The following RYR1 variants were observed in gnomAD, a reference collection of about 807,000 sequenced individuals.
RYR1 encodes the protein ryanodine receptor 1.
A neutral mutation model predicts 583.5 loss-of-function variants in RYR1; 342 were observed. That is an observed-to-expected ratio of 0.59 (90% CI 0.54 to 0.64). The LOEUF (loss-of-function observed/expected upper bound fraction) is 0.64, where lower values mean the gene tolerates loss of function less well. RYR1 is among the 30% of genes least tolerant of loss of function. The probability of loss-of-function intolerance (pLI) is 0.00; values close to 1 mark genes in which losing one functional copy is unlikely to be tolerated. For synonymous variants in RYR1, 2,791 were observed against 2,822.5 expected (o/e 0.99, Z 0.35); for missense variants, 6,032 against 6,917.2 (o/e 0.87, Z 4.54).
rs751961447 is a variant in RYR1, at chr19:38,492,612, C to T, written c.6250C>T (p.Arg2084Trp). ...KKKEEKPEEE[R>W]SAEESKPRSL... Reference sequence around the variant, plus strand: ...GAAGGAAGAGAAACCTGAGGAGGAGCGGTCAGCAGAGGAGAGCAAACCCCG... The same window carrying T: ...GAAGGAAGAGAAACCTGAGGAGGAGTGGTCAGCAGAGGAGAGCAAACCCCG... The change falls in exon 38 of 106, where the codon CGG becomes TGG. Residue 2084 changes from arginine (R) to tryptophan (W), a missense_variant. Arg to Trp is a moderately radical substitution (Grantham distance 101, BLOSUM62 -3). Transcript: ENST00000359596. 9.4e-6 allele frequency: 14 copies of T among 1,488,344 alleles called. No homozygotes were observed. The highest frequency in any genetic ancestry group is 3.4e-5 in the South Asian group (3 of 89,540). 92.2% of individuals were successfully genotyped at this position (1,488,344 alleles called of 1,614,324 possible).
Position 38,512,027 on chromosome 19 carries a change from G to C in RYR1, c.9173-45G>C. On this transcript the variant is annotated intron_variant, in intron 61 of 105. Coordinates refer to ENST00000359596, the MANE Select transcript of RYR1 (RefSeq NM_000540.3). This position sits in a 1 kb window ranked among gnomAD's most constrained non-coding sequence, Gnocchi z 5.1. ...GATGTAGAGGGAGGCACTGTCCTCT[G>C]TCCTCTTAGCCATGGCATCCCCCCG... is the stretch of plus-strand genomic sequence containing the variant. 5 of 1,599,326 alleles carry C rather than the reference G, an allele frequency of 3.1e-6. No individual in the cohort carries two copies. Among genetic ancestry groups the C allele is most frequent in the Non-Finnish European group, 4.3e-6 (5 of 1,170,778 alleles).
At chr19:38,535,582 C>G (rs542156777) in intron 81 of RYR1, 190 bp downstream of exon 81, 1 of 654,450 alleles carries the variant, frequency 1.5e-6, no homozygotes, top group African/African-American at 1.8e-5. Flanking sequence ...ATGTCATAGA[C>G]TTGAAGAATG....
At chr19:38,545,545 G>T (rs538606405) in intron 87 of RYR1, among the ~76,000 whole-genome samples, 17 of 152,254 alleles carry the variant, frequency 1.1e-4, no homozygotes, top group African/African-American at 4.1e-4. Flanking sequence ...TGGCACGGTG[G>T]CTCATACCTG....
chr19:38,456,857 T>C (rs1258190856), intron 16 of RYR1, among the ~76,000 whole-genome samples: 1 of 150,848 alleles, frequency 6.6e-6, no homozygotes, highest in Non-Finnish European at 1.5e-5. Flanking sequence ...CCATCCTGGC[T>C]AATGCGGTGA....
chr19:38,473,860 T>A, intron 28 of RYR1, 89 bp downstream of exon 28: 1 of 944,354 alleles, frequency 1.1e-6, no homozygotes, highest in Non-Finnish European at 1.5e-6. Flanking sequence ...ACCCCCATTG[T>A]ACCCCAAAGT....
chr19:38,529,004 C>A lies in RYR1; in HGVS notation c.11088C>A (p.Asp3696Glu), dbSNP rs909001720. 1 of 1,613,706 alleles carries A rather than the reference C, an allele frequency of 6.2e-7. No individual in the cohort carries two copies. The highest frequency in any genetic ancestry group is 1.3e-5 in the African/African-American group (1 of 74,912). Residue 3696 changes from aspartate to glutamate, a missense_variant, in exon 76 of 106, where the codon GAC (aspartate) becomes GAA (glutamate). Transcript: ENST00000359596. The stretch of plus-strand genomic sequence containing the variant: ...AAGAGGTGGAAGAGAAGAAGCCAGA[C>A]CCCCTGCACCAGTTGGTCCTGCACT... ...EEEEVEEKKP[D>E]PLHQLVLHFS...
Position 38,443,699 on chromosome 19 carries a change from C to G in RYR1, c.346-19C>G. ...GTGGGGCCTGCTAGAAGGAGGCTGACCTCCCTCTACAACCCTAGTATCTGA... is the reference window on the plus strand; with the variant it reads ...GTGGGGCCTGCTAGAAGGAGGCTGAGCTCCCTCTACAACCCTAGTATCTGA... On this transcript the variant is annotated intron_variant, in intron 4 of 105. Transcript: ENST00000359596. 2 of 1,614,044 alleles carry G rather than the reference C, an allele frequency of 1.2e-6. No homozygotes were observed. The highest frequency in any genetic ancestry group is 1.7e-6 in the Non-Finnish European group (2 of 1,179,928).
chr19:38,565,448 A>C lies in RYR1; in HGVS notation c.13114A>C (p.Lys4372Gln). The C allele has an allele frequency of 6.7e-7, 1 of 1,498,020 alleles. No homozygotes were observed. Among genetic ancestry groups the C allele is most frequent in the Non-Finnish European group, 8.8e-7 (1 of 1,130,982 alleles). 92.8% of individuals were successfully genotyped at this position (1,498,020 alleles called of 1,614,324 possible). A position where few individuals can be genotyped will look rare whatever the true frequency, so the allele number is the denominator to read the frequency against. The change falls in exon 91 of 106, where the codon AAG becomes CAG. Residue 4372 changes from lysine (K) to glutamine (Q), a missense_variant. By Grantham distance (53) the Lys-to-Gln change is moderately conservative. Coordinates refer to ENST00000359596, the MANE Select transcript of RYR1 (RefSeq NM_000540.3). This position sits in a 1 kb window ranked among gnomAD's most constrained non-coding sequence, Gnocchi z 4.7. ...CGGCGGCGGCCTGGTGGAGGGCGCC[A>C]AGAAGGTGACGGTGACCGAGCTCCT... ...LFGGGLVEGA[K>Q]KVTVTELLAG...
intron 101 of RYR1, among the ~76,000 whole-genome samples, chr19:38,582,199 A>T (rs1339205914): frequency 6.6e-6 from 1 of 151,654 alleles, no homozygotes; most frequent in African/African-American, 2.4e-5. Flanking sequence ...GGAGTTTGAG[A>T]CCGGCCTGAC....
Position 38,446,578 on chromosome 19 carries a change from G to T in RYR1, c.725+13G>T. On this transcript the variant is annotated intron_variant, in intron 8 of 105. Transcript: ENST00000359596. ...ATGACCAGCGCAGGTCTGGGCTGTG[G>T]ACGAGAGGGCCTGGGGTCTAGGGGT... The T allele has an allele frequency of 6.2e-7, 1 of 1,612,548 alleles. No homozygotes were observed. The highest frequency in any genetic ancestry group is 1.1e-5 in the South Asian group (1 of 91,060).
rs751308944 is a variant in RYR1, at chr19:38,496,975, C to G, written c.6891+21C>G. The stretch of plus-strand genomic sequence containing the variant: ...AAAAGGTGTGGAGGGCAGGGCTGGG[C>G]CCCAGGCCTAAGGGAGGAAATCGGG... On this transcript the variant is annotated intron_variant, in intron 42 of 105. Coordinates refer to ENST00000359596, the MANE Select transcript of RYR1 (RefSeq NM_000540.3). This position sits in a 1 kb window ranked among gnomAD's most constrained non-coding sequence, Gnocchi z 4.8. 4.8e-5 allele frequency: 76 copies of G among 1,598,500 alleles called. No homozygotes were observed. Among genetic ancestry groups the G allele is most frequent in the Non-Finnish European group, 6.5e-5 (76 of 1,166,640 alleles).
intron 89 of RYR1, among the ~76,000 whole-genome samples, chr19:38,556,970 T>A (rs948214514): frequency 6.6e-6 from 1 of 151,782 alleles, no homozygotes; most frequent in African/African-American, 2.4e-5. Flanking sequence ...GCACCTCCTT[T>A]CCAGATGCCA....
intron 89 of RYR1, among the ~76,000 whole-genome samples, chr19:38,551,741 GGC>G (rs1216419795): frequency 5.9e-5 from 9 of 151,974 alleles, no homozygotes; most frequent in African/African-American, 2.2e-4. Context: ...AACCCTGAGG[GGC>G]AATGCCTGCT....
chr19:38,445,711 A>C (rs11083457), intron 7 of RYR1, among the ~76,000 whole-genome samples: 2 of 152,090 alleles, frequency 1.3e-5, no homozygotes, highest in South Asian at 4.1e-4. Context: ...ACTCAAGGCC[A>C]AGCGCGGTGG....
At chr19:38,434,984 C>A (rs577306769) in intron 1 of RYR1, among the ~76,000 whole-genome samples, 2 of 152,294 alleles carry the variant, frequency 1.3e-5, no homozygotes, top group East Asian at 3.9e-4. Flanking sequence ...GGGAAGGGGC[C>A]TAGCTTCAGC....
rs536815622 is a variant in RYR1, at chr19:38,483,251, G to A, written c.4708-39G>A. Reference sequence around the variant, plus strand: ...GAAGTGGTGTGGTGGGACAGAGGGGGCTGGCCATCTTGACCCATGTGTGTC... The same window carrying A: ...GAAGTGGTGTGGTGGGACAGAGGGGACTGGCCATCTTGACCCATGTGTGTC... On this transcript the variant is annotated intron_variant, in intron 32 of 105. Coordinates refer to ENST00000359596, the MANE Select transcript of RYR1 (RefSeq NM_000540.3). The surrounding 1 kb of genome is among the most constrained non-coding windows in gnomAD (Gnocchi z 6.3). The A allele has an allele frequency of 1.3e-6, 2 of 1,568,720 alleles. No individual in the cohort carries two copies. The highest frequency in any genetic ancestry group is 2.3e-5 in the South Asian group (2 of 86,732).
chr19:38,534,091 A>G (rs1371771402), intron 78 of RYR1, among the ~76,000 whole-genome samples: 2 of 147,948 alleles, frequency 1.4e-5, no homozygotes, highest in Non-Finnish European at 3.0e-5. Flanking sequence ...AGCTCACTGC[A>G]ACCTCCACCT....
Position 38,566,265 on chromosome 19 carries a change from G to A in RYR1, c.13437+494G>A, listed in dbSNP as rs1371756725. On this transcript the variant is annotated intron_variant, in intron 91 of 105. Coordinates refer to ENST00000359596, the MANE Select transcript of RYR1 (RefSeq NM_000540.3). ...GGAGTTTGAGACCATCCTGGCCACC[G>A]TGGTGGAACCCCGTCTCTACTAAAA... Among the ~76,000 whole-genome samples, 7 of 151,492 alleles carry A rather than the reference G, an allele frequency of 4.6e-5. No homozygotes were observed. The East Asian group carries it at 5.8e-4, about 13-fold the overall frequency.
intron 16 of RYR1, among the ~76,000 whole-genome samples, chr19:38,456,036 A>C (rs1434485836): frequency 1.5e-5 from 2 of 132,994 alleles, no homozygotes; most frequent in Admixed American, 1.8e-4. Flanking sequence ...TAGTGGCGCT[A>C]TCTTGGCTCA....
Sources: allele counts gnomAD v4.1 joint callset (sites outside exome capture counted in the v4.1 genomes callset), GRCh38; gene constraint gnomAD v4.1.1; non-coding constraint Gnocchi (gnomAD v3.1); transcripts MANE v1.5; gene names NCBI Gene and HGNC (gene_info 2026-07-23, HGNC 2026-07-21).